Variants in SMYD3 observed in about 807,000 individuals in gnomAD.
SMYD3 encodes histone-lysine N-methyltransferase SMYD3.
A neutral mutation model predicts 57.7 loss-of-function variants in SMYD3; 36 were observed. The observed-to-expected ratio is 0.62, with a 90% confidence interval of 0.48 to 0.82. The LOEUF (loss-of-function observed/expected upper bound fraction) is 0.82. Among genes scored for constraint, SMYD3 ranks in the 40% least tolerant of loss-of-function variants. SMYD3 has a pLI of 0.00. For synonymous variants in SMYD3, 211 were observed against 195.0 expected, an observed-to-expected ratio of 1.08 and a Z score of -0.68; for missense variants, 515 against 538.8, an observed-to-expected ratio of 0.96 and a Z score of 0.44.
chr1:246,269,525 T>G (rs2064175082), intron 5 of SMYD3, among the ~76,000 whole-genome samples: 1 of 146,970 alleles, frequency 6.8e-6, no homozygotes, highest in African/African-American at 2.4e-5. Flanking sequence ...ATTGTTTTCT[T>G]TCTGTTTCTT....
chr1:245,991,658 G>A (rs535682019), intron 5 of SMYD3, among the ~76,000 whole-genome samples: 1 of 152,354 alleles, frequency 6.6e-6, no homozygotes, highest in African/African-American at 2.4e-5. Context: ...CTTCCCCTTA[G>A]AGCTGCTACA....
chr1:246,506,987 A>ACCCCCC, intron 1 of SMYD3, 67 bp downstream of exon 1: 19 of 634,632 alleles, frequency 3.0e-5, no homozygotes, highest in Middle Eastern at 4.3e-4. Context: ...CGGCCGCCCG[A>ACCCCCC]CGCCCCCCCC....
At chr1:245,866,052 C>T (rs2051819958) in intron 8 of SMYD3, among the ~76,000 whole-genome samples, 1 of 152,190 alleles carries the variant, frequency 6.6e-6, no homozygotes, top group African/African-American at 2.4e-5. Context: ...CCCCTGGAGA[C>T]TGTCATGTGC....
At chr1:246,139,129 G>C (rs1019358286) in intron 5 of SMYD3, among the ~76,000 whole-genome samples, 1 of 152,180 alleles carries the variant, frequency 6.6e-6, no homozygotes, top group Non-Finnish European at 1.5e-5. Context: ...AGGTTCAGGG[G>C]ACTGATTGAG....
chr1:246,084,481 G>A (rs2060693115), intron 5 of SMYD3, among the ~76,000 whole-genome samples: 1 of 152,016 alleles, frequency 6.6e-6, no homozygotes, highest in African/African-American at 2.4e-5. Context: ...CTCTCAAACT[G>A]CTAGGGTTAC....
At chr1:246,208,244 G>C (rs2063031264) in intron 5 of SMYD3, among the ~76,000 whole-genome samples, 1 of 152,082 alleles carries the variant, frequency 6.6e-6, no homozygotes, top group South Asian at 2.1e-4. Context: ...TAAATAAGGA[G>C]AGTTTGAAAG....
At chr1:246,258,453 T>A (rs1359556991) in intron 5 of SMYD3, among the ~76,000 whole-genome samples, 6 of 152,256 alleles carry the variant, frequency 3.9e-5, no homozygotes, top group Admixed American at 6.5e-5. Flanking sequence ...TGGAAAAAAA[T>A]TTTATTTCTT....
chr1:246,038,621 G>A (rs966936984), intron 5 of SMYD3, among the ~76,000 whole-genome samples: 11 of 152,100 alleles, frequency 7.2e-5, no homozygotes, highest in Non-Finnish European at 1.2e-4. Context: ...CTAGGTGATC[G>A]CTGTATAAAA....
At chr1:246,210,795 CA>C (rs1328935866) in intron 5 of SMYD3, among the ~76,000 whole-genome samples, 15 of 152,072 alleles carry the variant, frequency 9.9e-5, no homozygotes, top group Non-Finnish European at 2.1e-4. Context: ...CCAAATTTCT[CA>C]CAGTCTATAT....
intron 10 of SMYD3, among the ~76,000 whole-genome samples, chr1:245,851,942 A>C (rs1037431054): frequency 1.3e-5 from 2 of 152,294 alleles, no homozygotes; most frequent in African/African-American, 2.4e-5. Context: ...AGCATGTTGG[A>C]AGCAATGAAT....
chr1:246,486,938 A>G (rs1281965267), intron 1 of SMYD3, among the ~76,000 whole-genome samples: 1 of 152,234 alleles, frequency 6.6e-6, no homozygotes, highest in East Asian at 1.9e-4. Context: ...CCATGGACAT[A>G]TAAGGAAAGC....
chr1:245,977,701 A>T (rs1404895993), intron 5 of SMYD3, among the ~76,000 whole-genome samples: 1 of 152,118 alleles, frequency 6.6e-6, no homozygotes, highest in Non-Finnish European at 1.5e-5. Flanking sequence ...AAAAAACCCC[A>T]AAACTTAAAA....
chr1:245,857,420 T>A (rs2051302962), intron 10 of SMYD3, among the ~76,000 whole-genome samples: 1 of 41,886 alleles, frequency 2.4e-5, no homozygotes. Context: ...CCTGGGAAAT[T>A]CCTCTCCCTC....
chr1:245,876,531 T>G (rs2052496703), intron 8 of SMYD3, among the ~76,000 whole-genome samples: 2 of 152,374 alleles, frequency 1.3e-5, no homozygotes, highest in South Asian at 4.1e-4. Flanking sequence ...GTTTTGCTTT[T>G]CTTTTTTCTT....
intron 1 of SMYD3, among the ~76,000 whole-genome samples, chr1:246,416,813 A>T (rs564545344): frequency 6.6e-6 from 1 of 151,856 alleles, no homozygotes; most frequent in East Asian, 1.9e-4. Flanking sequence ...TATCTCTCCA[A>T]CTCCCAAAGC....
At chr1:246,138,511 C>T (rs71533459) in intron 5 of SMYD3, among the ~76,000 whole-genome samples, 14,075 of 76,258 alleles carry the variant, frequency 0.18, 3,186 homozygotes, top group Non-Finnish European at 0.37. Flanking sequence ...CTGCAAGCTC[C>T]GCCTCCCAGG....
At position 246,002,278 on chromosome 1, in the gene SMYD3, G is replaced by A. The variant is rs916838643; in HGVS notation, c.532-72341C>T. On this transcript the variant is annotated intron_variant, in intron 5 of 11. Transcript: ENST00000490107. ...CGGCTCACTGCAAGCTCCGCCTCCC[G>A]GGTTCACGCCATTCTCCTGCCTCAG... is the stretch of plus-strand genomic sequence containing the variant. Among the ~76,000 whole-genome samples the A allele has an allele frequency of 5.3e-4, 69 of 129,508 alleles. 1 individual carries two copies. The highest frequency in any genetic ancestry group is 1.5e-3 in the African/African-American group (55 of 36,878). 85.0% of individuals were successfully genotyped at this position (129,508 alleles called of 152,430 possible). A position where few individuals can be genotyped will look rare whatever the true frequency, so the allele number is the denominator to read the frequency against.
At chr1:245,849,266 G>GTTCT (rs2050828050) in intron 10 of SMYD3, among the ~76,000 whole-genome samples, 1 of 152,200 alleles carries the variant, frequency 6.6e-6, no homozygotes, top group South Asian at 2.1e-4. Flanking sequence ...TTAGCACATG[G>GTTCT]TTCTTGACTG....
At position 245,865,750 on chromosome 1, in the gene SMYD3, C is replaced by T. The variant is rs1276687683; in HGVS notation, c.814-1864G>A. Among the ~76,000 whole-genome samples, 5 of 152,318 alleles carry T rather than the reference C, an allele frequency of 3.3e-5. No homozygotes were observed. The East Asian group carries it at 9.7e-4, about 29-fold the overall frequency. On this transcript the variant is annotated intron_variant, in intron 8 of 11. Transcript: ENST00000490107. ...GTTCCTCAGCTGCAGCAGCCACATT[C>T]CAAGAAGCTAACAGCCGCATGCGGC...
Sources: gnomAD v4.1 joint callset for allele counts (sites outside exome capture counted in the v4.1 genomes callset) on GRCh38, gnomAD v4.1.1 for gene constraint, MANE v1.5 for transcripts, NCBI Gene and HGNC (gene_info 2026-07-23, HGNC 2026-07-21) for gene names.